Variants in PPFIBP1 observed in about 807,000 individuals in gnomAD.
PPFIBP1 encodes the protein liprin-beta-1.
Under a neutral mutation model 137.8 loss-of-function variants are expected in PPFIBP1, and 112 were observed. The observed-to-expected ratio is 0.81, with a 90% CI of 0.70 to 0.95. The LOEUF (loss-of-function observed/expected upper bound fraction) is 0.95, where lower values mean the gene tolerates loss of function less well. Among genes scored for constraint, PPFIBP1 ranks in the 40% least tolerant of loss-of-function variants. The pLI, the probability that PPFIBP1 is intolerant of heterozygous loss-of-function variation, is 0.00. For missense variants in PPFIBP1, 1,083 were observed against 1,196.6 expected (o/e 0.91, Z 1.40); for synonymous variants, 378 against 417.3 (o/e 0.91, Z 1.15).
intron 17 of PPFIBP1, among the ~76,000 whole-genome samples, chr12:27,674,947 G>A (rs1241660088): frequency 6.7e-6 from 1 of 150,172 alleles, no homozygotes; most frequent in African/African-American, 2.5e-5. Context: ...CAAGTAGCTG[G>A]GATTACAGGC....
In PPFIBP1 at chr12:27,689,171, T is replaced by G; in HGVS notation, c.2653T>G (p.Tyr885Asp). 6.3e-7 allele frequency: 1 copy of G among 1,585,732 alleles called. No homozygotes were observed. Among genetic ancestry groups the G allele is most frequent in the Admixed American group, 1.9e-5 (1 of 51,902 alleles). Residue 885 changes from tyrosine to aspartate, a missense_variant, in exon 27 of 30, where the codon TAT (tyrosine) becomes GAT (aspartate). Physicochemically the swap from Tyr to Asp is radical, Grantham distance 160 (BLOSUM62 -3). Coordinates refer to ENST00000228425, the MANE Select transcript of PPFIBP1 (RefSeq NM_003622.4). Reference protein sequence around the residue: ...QKRDAMELPDYVLLTATAKVK... With the variant: ...QKRDAMELPDDVLLTATAKVK... ...GCGAGATGCCATGGAGCTGCCGGAT[T>G]ATGTACTTCTAACAGCTACTGCCAA...
chr12:27,554,659 T>C (rs1429274571), intron 1 of PPFIBP1, among the ~76,000 whole-genome samples: 1 of 152,226 alleles, frequency 6.6e-6, no homozygotes, highest in African/African-American at 2.4e-5. Flanking sequence ...GTGATATTGC[T>C]GTGAATGGAA....
chr12:27,646,507 T>C (rs1242512221), intron 5 of PPFIBP1, among the ~76,000 whole-genome samples: 1 of 151,606 alleles, frequency 6.6e-6, no homozygotes, highest in East Asian at 1.9e-4. Context: ...GCCTCCCAAG[T>C]AGCTGGGATT....
At chr12:27,665,807 A>C (rs558226161) in intron 12 of PPFIBP1, among the ~76,000 whole-genome samples, 1 of 152,230 alleles carries the variant, frequency 6.6e-6, no homozygotes, top group Admixed American at 6.5e-5. Flanking sequence ...TTTGAAAAAA[A>C]AAATTTTGTA....
chr12:27,663,201 A>G (rs892163368), intron 11 of PPFIBP1, among the ~76,000 whole-genome samples: 9 of 152,190 alleles, frequency 5.9e-5, no homozygotes, highest in Non-Finnish European at 1.0e-4. Context: ...ACCACAGGGC[A>G]GCCACAAAGG....
intron 2 of PPFIBP1, among the ~76,000 whole-genome samples, chr12:27,617,124 C>T (rs1053378788): frequency 6.6e-6 from 1 of 152,100 alleles, no homozygotes; most frequent in Non-Finnish European, 1.5e-5. Flanking sequence ...ATTGAAGCAT[C>T]CTTATATGAA....
At chr12:27,553,687 G>A (rs1326807744) in intron 1 of PPFIBP1, among the ~76,000 whole-genome samples, 1 of 152,128 alleles carries the variant, frequency 6.6e-6, no homozygotes, top group Non-Finnish European at 1.5e-5. Flanking sequence ...CAACTGCAGG[G>A]GGCACCATTC....
chr12:27,633,890 T>C (rs1484892533), intron 3 of PPFIBP1, among the ~76,000 whole-genome samples: 4 of 141,250 alleles, frequency 2.8e-5, no homozygotes, highest in South Asian at 2.2e-4. Flanking sequence ...CAGGCTGGAG[T>C]GCAGTGGTAC....
intron 2 of PPFIBP1, among the ~76,000 whole-genome samples, chr12:27,606,211 T>C (rs2054507978): frequency 6.6e-6 from 1 of 152,256 alleles, no homozygotes; most frequent in South Asian, 2.1e-4. Context: ...TGGCTACTTC[T>C]CTTGCAGCAG....
chr12:27,623,414 T>G (rs989429221), intron 2 of PPFIBP1, among the ~76,000 whole-genome samples: 3 of 152,164 alleles, frequency 2.0e-5, no homozygotes, highest in African/African-American at 7.2e-5. Context: ...AAATTTAAGG[T>G]CATGGCTCGG....
At chr12:27,687,312 T>C in intron 24 of PPFIBP1, 73 bp from the exon 25 acceptor site, 2 of 1,531,672 alleles carry the variant, frequency 1.3e-6, no homozygotes, top group Non-Finnish European at 8.8e-7. Flanking sequence ...ACTCCAGTTT[T>C]CTGAGATTCC....
At position 27,587,771 on chromosome 12, in the gene PPFIBP1, C is replaced by A. The variant is rs1411774654; in HGVS notation, c.-36+9532C>A. On this transcript the variant is annotated intron_variant, in intron 2 of 29. Coordinates refer to ENST00000228425, the MANE Select transcript of PPFIBP1 (RefSeq NM_003622.4). ...TCTCTGTCTTTTTTTTCCTGGACTA[C>A]TTGAAAGTAAGTTGCAGATATCATG... Among the ~76,000 whole-genome samples the A allele has an allele frequency of 2.0e-5, 3 of 151,726 alleles. No homozygotes were observed. In the East Asian group the frequency reaches 5.8e-4, roughly 29 times the overall value.
intron 2 of PPFIBP1, chr12:27,592,436 TCCAA>T: frequency 1.2e-6 from 1 of 807,180 alleles, no homozygotes; most frequent in Non-Finnish European, 1.9e-6. Flanking sequence ...TTTTCAACTT[TCCAA>T]AAAGTTGAAA....
At chr12:27,606,780 G>T (rs983489932) in intron 2 of PPFIBP1, among the ~76,000 whole-genome samples, 2 of 152,166 alleles carry the variant, frequency 1.3e-5, no homozygotes, top group Non-Finnish European at 2.9e-5. Context: ...TTCATAACCC[G>T]CAGCATACAT....
Position 27,679,538 on chromosome 12 carries a change from T to C in PPFIBP1, c.1665T>C (p.Ser555=). 1 of 1,614,060 alleles carries C rather than the reference T, an allele frequency of 6.2e-7. No homozygotes were observed. The highest frequency in any genetic ancestry group is 8.5e-7 in the Non-Finnish European group (1 of 1,179,890). ...TAEHLDLAGA[S]SRPKDSQRNS... ...AGCACCTAGATCTGGCTGGTGCTTC[T>C]TCTCGGCCAAAAGATTCACAGAGGA... Residue 555 remains serine (S), a synonymous_variant, in exon 20 of 30, where the codon TCT becomes TCC. Coordinates refer to ENST00000228425, the MANE Select transcript of PPFIBP1 (RefSeq NM_003622.4).
At position 27,634,331 on chromosome 12, in the gene PPFIBP1, C is replaced by T. The variant is rs559486144; in HGVS notation, c.65-579C>T. On this transcript the variant is annotated intron_variant, in intron 3 of 29. Coordinates refer to ENST00000228425, the MANE Select transcript of PPFIBP1 (RefSeq NM_003622.4). ...CACACGCCACTGCACTTAGCTCGTTCGCATGTGTTTACCTTCCCAATTCTT... is the reference window on the plus strand; with the variant it reads ...CACACGCCACTGCACTTAGCTCGTTTGCATGTGTTTACCTTCCCAATTCTT... Among the ~76,000 whole-genome samples, 45 of 152,174 alleles carry T rather than the reference C, an allele frequency of 3.0e-4. No homozygotes were observed. In the South Asian group the frequency reaches 8.5e-3, roughly 29 times the overall value.
chr12:27,561,049 G>C (rs2049119312), intron 1 of PPFIBP1, among the ~76,000 whole-genome samples: 1 of 152,182 alleles, frequency 6.6e-6, no homozygotes, highest in African/African-American at 2.4e-5. Flanking sequence ...AAAAGTCTGT[G>C]TGTAAGAAGC....
chr12:27,633,823 T>G (rs1389268276), intron 3 of PPFIBP1, among the ~76,000 whole-genome samples: 2 of 148,354 alleles, frequency 1.3e-5, no homozygotes, highest in Non-Finnish European at 3.0e-5. Context: ...TTTCCACCAA[T>G]GACTCCCGTA....
rs1283865640 is a variant in PPFIBP1, at chr12:27,676,696, C to G, written c.1582+97C>G. ...TACTCTTTCATTCATTGATTCATTTCTCTTTCTCAGAAACGAAGGTGAATG... is the reference window on the plus strand; with the variant it reads ...TACTCTTTCATTCATTGATTCATTTGTCTTTCTCAGAAACGAAGGTGAATG... On this transcript the variant is annotated intron_variant, in intron 18 of 29. Coordinates refer to ENST00000228425, the MANE Select transcript of PPFIBP1 (RefSeq NM_003622.4). 3.2e-6 allele frequency: 4 copies of G among 1,230,894 alleles called. No homozygotes were observed. The Admixed American group carries it at 9.3e-5, about 29-fold the overall frequency. 76.2% of individuals were successfully genotyped at this position (1,230,894 alleles called of 1,614,324 possible).
Sources: gnomAD v4.1 joint callset for allele counts (sites outside exome capture counted in the v4.1 genomes callset) on GRCh38, gnomAD v4.1.1 for gene constraint, MANE v1.5 for transcripts, NCBI Gene and HGNC (gene_info 2026-07-23, HGNC 2026-07-21) for gene names.